Variants in KIF26B observed in about 807,000 individuals in gnomAD.
The protein encoded by KIF26B is kinesin family member 26B.
Under a neutral mutation model 151.2 loss-of-function variants are expected in KIF26B, and 63 were observed. The ratio of observed to expected loss-of-function variants is 0.42; its 90% CI spans 0.34 to 0.51. The LOEUF is 0.51. Among genes scored for constraint, KIF26B ranks in the 20% least tolerant of loss-of-function variants. The pLI is 0.07. For missense variants in KIF26B, 2,813 were observed against 2,913.6 expected (o/e 0.97, Z 0.79); for synonymous variants, 1,357 against 1,262.1 (o/e 1.08, Z -1.59).
intron 2 of KIF26B, among the ~76,000 whole-genome samples, chr1:245,240,350 C>T (rs935110148): frequency 2.6e-5 from 4 of 152,080 alleles, no homozygotes; most frequent in African/African-American, 4.8e-5. Context: ...TTGGGTTGAT[C>T]AGTCGCACCT....
chr1:245,651,021 G>T (rs893259520), intron 10 of KIF26B, among the ~76,000 whole-genome samples: 48 of 152,122 alleles, frequency 3.2e-4, no homozygotes, highest in African/African-American at 1.2e-3. Flanking sequence ...CCTCTCTCTG[G>T]TAGAGCCTGA....
At chr1:245,374,795 G>A (rs1341286601) in intron 3 of KIF26B, among the ~76,000 whole-genome samples, 2 of 152,134 alleles carry the variant, frequency 1.3e-5, no homozygotes, top group East Asian at 3.8e-4. Context: ...ATTCGGTCAT[G>A]GACACACATT....
chr1:245,186,441 A>G (rs2103530404), intron 2 of KIF26B, among the ~76,000 whole-genome samples: 1 of 152,332 alleles, frequency 6.6e-6, no homozygotes, highest in South Asian at 2.1e-4. Context: ...AACAGCCTTA[A>G]TAAGTTACTC....
chr1:245,335,192 A>T (rs1470295810), intron 2 of KIF26B, among the ~76,000 whole-genome samples: 1 of 152,156 alleles, frequency 6.6e-6, no homozygotes, highest in Admixed American at 6.5e-5. Flanking sequence ...AAATGAAGGC[A>T]TAATTGAGGC....
In KIF26B at chr1:245,667,197, C is replaced by A. The variant is rs1192493927; in HGVS notation, c.2259-17036C>A. On this transcript the variant is annotated intron_variant, in intron 10 of 14. Coordinates refer to ENST00000407071, the MANE Select transcript of KIF26B (RefSeq NM_018012.4). The surrounding 1 kb of genome is among the most constrained non-coding windows in gnomAD (Gnocchi z 4.3). ...TCGTCTACTTTGGTTTTCTTTCTTT[C>A]TTTTTTTGAAACACTCTGCCCAGGC... 6.6e-6 allele frequency among the ~76,000 whole-genome samples: 1 copy of A among 152,026 alleles called. No homozygotes were observed. Among genetic ancestry groups the A allele is most frequent in the South Asian group, 2.1e-4 (1 of 4,824 alleles).
chr1:245,422,766 A>G (rs925004154), intron 4 of KIF26B, among the ~76,000 whole-genome samples: 1 of 152,152 alleles, frequency 6.6e-6, no homozygotes, highest in African/African-American at 2.4e-5. Context: ...GAACTCTCCT[A>G]TAGCTCCAAG....
chr1:245,197,716 A>G lies in KIF26B; in HGVS notation c.465+41033A>G, dbSNP rs575345867. Among the ~76,000 whole-genome samples, 17 of 152,330 alleles carry G rather than the reference A, an allele frequency of 1.1e-4. No individual in the cohort carries two copies. In the South Asian group the frequency reaches 3.5e-3, roughly 32 times the overall value. The stretch of plus-strand genomic sequence containing the variant: ...ACAGAAGAAGATAGAGTCAAAAGTT[A>G]AAGTGCCCCCGGGGAAGTGTATTTA... On this transcript the variant is annotated intron_variant, in intron 2 of 14. Coordinates refer to ENST00000407071, the MANE Select transcript of KIF26B (RefSeq NM_018012.4).
chr1:245,621,949 T>A (rs1455759973), intron 9 of KIF26B, among the ~76,000 whole-genome samples: 5 of 152,262 alleles, frequency 3.3e-5, no homozygotes, highest in African/African-American at 1.2e-4. Context: ...CTGTGCCTTT[T>A]GTTCTTGTGT....
In KIF26B at chr1:245,244,375, A is replaced by G. The variant is rs1670274070; in HGVS notation, c.465+87692A>G. On this transcript the variant is annotated intron_variant, in intron 2 of 14. Transcript: ENST00000407071. This position sits in a 1 kb window ranked among gnomAD's most constrained non-coding sequence, Gnocchi z 4.2. ...GTCTCTTCTTGGGAAATATGGAATG[A>G]CGTCTTGCATATTGTCATGATATGT... 6.6e-6 allele frequency among the ~76,000 whole-genome samples: 1 copy of G among 152,150 alleles called. No individual in the cohort carries two copies. The highest frequency in any genetic ancestry group is 2.1e-4 in the South Asian group (1 of 4,816).
chr1:245,520,596 CCATCCACCCACCCACCCATCCATCCAT>C (rs1558197316), intron 4 of KIF26B, among the ~76,000 whole-genome samples: 15 of 122,332 alleles, frequency 1.2e-4, no homozygotes, highest in South Asian at 5.0e-4. Context: ...ATCCATCCAT[CCATCCACCCACCCACCCATCCATCCAT>C]CCATCCATCC....
Position 245,659,430 on chromosome 1 carries a change from G to A in KIF26B, c.2258+13150G>A, listed in dbSNP as rs140838711. Among the ~76,000 whole-genome samples, 766 of 152,184 alleles carry A rather than the reference G, an allele frequency of 5.0e-3. 5 individuals are homozygous for A. The highest frequency in any genetic ancestry group is 0.018 in the African/African-American group (734 of 41,490). ...TGCCCGCAGGCTTCCTGTGGCCATC[G>A]GATCCCCAATCTAAACTAGGATAAA... On this transcript the variant is annotated intron_variant, in intron 10 of 14. Transcript: ENST00000407071.
intron 2 of KIF26B, among the ~76,000 whole-genome samples, chr1:245,289,848 T>G (rs1216659034): frequency 6.6e-6 from 1 of 152,192 alleles, no homozygotes. Context: ...TGGTACAGAT[T>G]GAAGTAGCAA....
chr1:245,461,704 C>T (rs1039460390), intron 4 of KIF26B, among the ~76,000 whole-genome samples: 13 of 152,288 alleles, frequency 8.5e-5, no homozygotes, highest in Admixed American at 7.2e-4. Context: ...TTCCAGGGCA[C>T]CTGTGGTCTC....
At chr1:245,421,194 G>A (rs529003799) in intron 4 of KIF26B, among the ~76,000 whole-genome samples, 1 of 152,246 alleles carries the variant, frequency 6.6e-6, no homozygotes, top group East Asian at 1.9e-4. Flanking sequence ...TAAAGACAGG[G>A]AACAGTTATG....
At chr1:245,419,098 C>A (rs957076232) in intron 3 of KIF26B, among the ~76,000 whole-genome samples, 2 of 152,174 alleles carry the variant, frequency 1.3e-5, no homozygotes, top group Non-Finnish European at 2.9e-5. Context: ...ACCACCACCC[C>A]CACCAGCACC....
In KIF26B at chr1:245,663,014, A is replaced by T. The variant is rs139914975; in HGVS notation, c.2258+16734A>T. 1.9e-3 allele frequency among the ~76,000 whole-genome samples: 274 copies of T among 147,490 alleles called. 1 individual carries two copies. Among genetic ancestry groups the T allele is most frequent in the African/African-American group, 6.6e-3 (262 of 39,694 alleles). Reference sequence around the variant, plus strand: ...CTCTTTCCCCTCTTCTATCTCTCCAATTCTTGCTTTGTATCTCTCTCCATT... The same window carrying T: ...CTCTTTCCCCTCTTCTATCTCTCCATTTCTTGCTTTGTATCTCTCTCCATT... On this transcript the variant is annotated intron_variant, in intron 10 of 14. Coordinates refer to ENST00000407071, the MANE Select transcript of KIF26B (RefSeq NM_018012.4).
At chr1:245,417,835 C>A (rs550756901) in intron 3 of KIF26B, among the ~76,000 whole-genome samples, 348 of 152,336 alleles carry the variant, frequency 2.3e-3, no homozygotes, top group African/African-American at 8.0e-3. Context: ...TTGCAGGGCA[C>A]CTGCAGGACA....
intron 2 of KIF26B, among the ~76,000 whole-genome samples, chr1:245,259,422 G>A (rs758803488): frequency 2.0e-5 from 3 of 152,062 alleles, no homozygotes; most frequent in Admixed American, 6.6e-5. Flanking sequence ...GGGTTGTGAG[G>A]GCCAGTTCAA....
intron 2 of KIF26B, among the ~76,000 whole-genome samples, chr1:245,304,699 C>CCATCCATCCATCCATCCA (rs1553342834): frequency 0.023 from 3,437 of 150,644 alleles, 61 homozygotes; most frequent in Non-Finnish European, 0.034. Context: ...ACGTCCATCC[C>CCATCCATCCATCCATCCA]TCCATCCATC....
Sources: allele counts gnomAD v4.1 joint callset (sites outside exome capture counted in the v4.1 genomes callset), GRCh38; gene constraint gnomAD v4.1.1; non-coding constraint Gnocchi (gnomAD v3.1); transcripts MANE v1.5; gene names NCBI Gene and HGNC (gene_info 2026-07-23, HGNC 2026-07-21).